FSTL1: variants seen among roughly 807,000 people sequenced by gnomAD.
FSTL1 encodes follistatin like 1.
Under a neutral mutation model 45.9 loss-of-function variants are expected in FSTL1, and 24 were observed. That is an observed-to-expected ratio of 0.52 (90% confidence interval 0.38 to 0.74). The LOEUF is 0.74. Among genes scored for constraint, FSTL1 ranks in the 30% least tolerant of loss-of-function variants. The probability of loss-of-function intolerance (pLI) is 0.00; values close to 1 mark genes in which losing one functional copy is unlikely to be tolerated. For missense variants in FSTL1, 340 were observed against 381.8 expected (o/e 0.89, Z 0.91); for synonymous variants, 120 against 137.6 (o/e 0.87, Z 0.89).
rs189189505 is a variant in FSTL1, at chr3:120,445,904, G to A, written c.63+4780C>T. Among the ~76,000 whole-genome samples the A allele has an allele frequency of 9.9e-4, 149 of 150,024 alleles. 2 individuals carry two copies. Among genetic ancestry groups the A allele is most frequent in the Non-Finnish European group, 6.8e-4 (46 of 68,030 alleles). ...ATGAGGACAGTGAAGGGAAGGCCACGCCATTCATGGCATACTCTCAGAGAA... is the reference window on the plus strand; with the variant it reads ...ATGAGGACAGTGAAGGGAAGGCCACACCATTCATGGCATACTCTCAGAGAA... On this transcript the variant is annotated intron_variant, in intron 2 of 10. Coordinates refer to ENST00000295633, the MANE Select transcript of FSTL1 (RefSeq NM_007085.5).
chr3:120,414,290 C>T (rs1251731642), intron 3 of FSTL1, among the ~76,000 whole-genome samples: 3 of 151,454 alleles, frequency 2.0e-5, no homozygotes, highest in South Asian at 2.1e-4. Context: ...CAGTCTGGAA[C>T]GTGAGAAGCG....
intron 2 of FSTL1, among the ~76,000 whole-genome samples, chr3:120,417,757 G>A (rs1339475773): frequency 2.0e-5 from 3 of 152,122 alleles, no homozygotes; most frequent in African/African-American, 4.8e-5. Context: ...GCATAAAAAA[G>A]CATGCTCAGA....
intron 2 of FSTL1, among the ~76,000 whole-genome samples, chr3:120,441,980 G>C (rs950487792): frequency 3.9e-5 from 6 of 152,098 alleles, no homozygotes; most frequent in African/African-American, 7.2e-5. Context: ...ACTTCCTCTC[G>C]AGGAAAAATC....
intron 3 of FSTL1, among the ~76,000 whole-genome samples, chr3:120,414,742 G>A (rs1451849549): frequency 6.6e-6 from 1 of 151,584 alleles, no homozygotes; most frequent in East Asian, 1.9e-4. Context: ...AGGGTTAAAT[G>A]GATTAAGGGC....
chr3:120,426,726 G>A (rs1403955590), intron 2 of FSTL1, among the ~76,000 whole-genome samples: 1 of 152,214 alleles, frequency 6.6e-6, no homozygotes, highest in Non-Finnish European at 1.5e-5. Context: ...CTGGCACTGA[G>A]TTGGATGCCC....
At chr3:120,403,985 A>C (rs1346474381) in intron 7 of FSTL1, among the ~76,000 whole-genome samples, 5 of 136,190 alleles carry the variant, frequency 3.7e-5, no homozygotes, top group Non-Finnish European at 7.8e-5. Flanking sequence ...AAAAAAAACA[A>C]AAAACAAAAC....
rs1325599388 is a variant in FSTL1 at position 120,409,529 on chromosome 3, T to C, written c.462+3A>G. On this transcript the variant is annotated splice_donor_region_variant and intron_variant, in intron 6 of 10. Transcript: ENST00000295633. ...AATAGTCTTCCTCCTACCTCTGGAT[T>C]ACCTTAAAATACTTGTCTAGGATTT... 6.2e-7 allele frequency: 1 copy of C among 1,613,690 alleles called. No individual in the cohort carries two copies. Among genetic ancestry groups the C allele is most frequent in the Admixed American group, 1.7e-5 (1 of 60,020 alleles).
chr3:120,446,441 G>T (rs994202562), intron 2 of FSTL1, among the ~76,000 whole-genome samples: 10 of 152,216 alleles, frequency 6.6e-5, no homozygotes, highest in African/African-American at 1.9e-4. Flanking sequence ...AAAGCCACTT[G>T]CGATGGCCAG....
intron 2 of FSTL1, among the ~76,000 whole-genome samples, chr3:120,433,166 G>A (rs1937507643): frequency 6.6e-6 from 1 of 152,166 alleles, no homozygotes; most frequent in Non-Finnish European, 1.5e-5. Context: ...TGGGAATGGT[G>A]CCAAGTTATA....
chr3:120,405,089 C>G (rs1203113839), intron 6 of FSTL1, 118 bp from the exon 7 acceptor site: 4 of 680,982 alleles, frequency 5.9e-6, no homozygotes, highest in Non-Finnish European at 1.1e-5. Flanking sequence ...CCAACCCTGC[C>G]CTGACCTCAG....
intron 6 of FSTL1, among the ~76,000 whole-genome samples, chr3:120,408,335 C>G (rs926623902): frequency 6.6e-6 from 1 of 152,198 alleles, no homozygotes; most frequent in Admixed American, 6.5e-5. Flanking sequence ...GGTATGATCT[C>G]AAAAACTTGG....
chr3:120,410,793 C>T (rs759105314), intron 5 of FSTL1, 159 bp downstream of exon 5: 6 of 740,798 alleles, frequency 8.1e-6, no homozygotes, highest in Non-Finnish European at 1.5e-5. Flanking sequence ...TGTAGTTTTG[C>T]AGCTTTTCTG....
Position 120,415,940 on chromosome 3 carries a change from T to C in FSTL1, c.151A>G (p.Thr51Ala), listed in dbSNP as rs1224040439. The C allele has an allele frequency of 1.2e-6, 2 of 1,609,096 alleles. No individual in the cohort carries two copies. Among genetic ancestry groups the C allele is most frequent in the Non-Finnish European group, 1.7e-6 (2 of 1,175,364 alleles). ...ECAVTEKGEP[T>A]CLCIEQCKPH... ...GGACTTACCTCAATGCAGAGACAGG[T>C]GGGTTCCCCTTTCTCTGTGACTGCA... The change falls in exon 3 of 11, where the codon ACC (threonine) becomes GCC (alanine). Residue 51 changes from threonine to alanine, a missense_variant. Transcript: ENST00000295633.
In FSTL1 at chr3:120,435,076, G is replaced by T. The variant is rs530728723; in HGVS notation, c.63+15608C>A. ...TCTACCAAAAATACAAAAATTAGCC[G>T]GGCGTGGTTGCAGGCACCTGTAATC... On this transcript the variant is annotated intron_variant, in intron 2 of 10. Coordinates refer to ENST00000295633, the MANE Select transcript of FSTL1 (RefSeq NM_007085.5). Among the ~76,000 whole-genome samples the T allele has an allele frequency of 2.6e-5, 4 of 152,076 alleles. No individual in the cohort carries two copies. In the South Asian group the frequency reaches 8.3e-4, roughly 32 times the overall value.
At chr3:120,426,160 A>G (rs1366281819) in intron 2 of FSTL1, among the ~76,000 whole-genome samples, 1 of 151,324 alleles carries the variant, frequency 6.6e-6, no homozygotes, top group East Asian at 1.9e-4. Flanking sequence ...TCAAAAGTTT[A>G]AAAAAAAAAT....
chr3:120,399,635 T>C (rs1230750020), intron 10 of FSTL1, among the ~76,000 whole-genome samples: 1 of 152,160 alleles, frequency 6.6e-6, no homozygotes, highest in African/African-American at 2.4e-5. Context: ...CCTGCCTGAT[T>C]TTGCCTTATG....
chr3:120,409,700 G>T, intron 5 of FSTL1, 38 bp from the exon 6 acceptor site: 1 of 1,609,166 alleles, frequency 6.2e-7, no homozygotes, highest in Non-Finnish European at 8.5e-7. Context: ...GAGCAGTCAG[G>T]GGAGGACCCC....
chr3:120,439,518 A>G (rs892924655), intron 2 of FSTL1, among the ~76,000 whole-genome samples: 2 of 152,216 alleles, frequency 1.3e-5, no homozygotes, highest in Non-Finnish European at 2.9e-5. Context: ...GTCTAAATGA[A>G]ATCAACTTAT....
At chr3:120,397,087 TA>T (rs1936717535) in intron 10 of FSTL1, 91 bp from the exon 11 acceptor site, 5 of 1,015,334 alleles carry the variant, frequency 4.9e-6, no homozygotes, top group Non-Finnish European at 6.3e-6. Flanking sequence ...CATTGGCATT[TA>T]CAAGCTTATG....
Sources: allele counts gnomAD v4.1 joint callset (sites outside exome capture counted in the v4.1 genomes callset), GRCh38; gene constraint gnomAD v4.1.1; transcripts MANE v1.5; gene names NCBI Gene and HGNC (gene_info 2026-07-23, HGNC 2026-07-21).